AHI1: variants seen among roughly 807,000 people sequenced by gnomAD.
The protein encoded by AHI1 is Abelson helper integration site 1.
Under a neutral mutation model 149.3 loss-of-function variants are expected in AHI1, and 123 were observed. The observed-to-expected ratio is 0.82, with a 90% confidence interval of 0.71 to 0.96. The LOEUF (loss-of-function observed/expected upper bound fraction) is 0.96. AHI1 is among the 40% of genes least tolerant of loss of function. AHI1 has a pLI of 0.00. For missense variants in AHI1, 1,439 were observed against 1,422.7 expected (o/e 1.01, Z -0.18); for synonymous variants, 475 against 459.8 (o/e 1.03, Z -0.42).
At chr6:135,449,260 G>A (rs566313718) in intron 11 of AHI1, among the ~76,000 whole-genome samples, 38 of 152,262 alleles carry the variant, frequency 2.5e-4, no homozygotes, top group African/African-American at 9.1e-4. Flanking sequence ...ATGTTGGTCA[G>A]GCTGGTCTTG....
chr6:135,312,979 G>A (rs1046715262), intron 26 of AHI1, among the ~76,000 whole-genome samples: 10 of 152,182 alleles, frequency 6.6e-5, no homozygotes, highest in African/African-American at 2.4e-4. Flanking sequence ...GATAGACTCT[G>A]TGGGAGGTTT....
chr6:135,409,845 C>A (rs1343110202), intron 21 of AHI1, among the ~76,000 whole-genome samples: 1 of 152,160 alleles, frequency 6.6e-6, no homozygotes, highest in African/African-American at 2.4e-5. Context: ...GGGACTTTAG[C>A]ACAGGAAGGC....
chr6:135,462,251 CCAAT>C (rs1243414941), intron 8 of AHI1, among the ~76,000 whole-genome samples: 1 of 151,496 alleles, frequency 6.6e-6, no homozygotes, highest in African/African-American at 2.4e-5. Context: ...CAATTTTTGG[CCAAT>C]CAAATGGAAA....
chr6:135,326,024 G>T lies in AHI1; in HGVS notation c.3166-2700C>A, dbSNP rs187786404. Among the ~76,000 whole-genome samples, 5 of 152,280 alleles carry T rather than the reference G, an allele frequency of 3.3e-5. No homozygotes were observed. The East Asian group carries it at 9.6e-4, about 29-fold the overall frequency. ...ACAGGGGTCCAAAAAGCCTATGAGAGCCCACATTACACCTTTTCTATTACA... is the reference window on the plus strand; with the variant it reads ...ACAGGGGTCCAAAAAGCCTATGAGATCCCACATTACACCTTTTCTATTACA... On this transcript the variant is annotated intron_variant, in intron 24 of 28. Coordinates refer to ENST00000265602, the MANE Select transcript of AHI1 (RefSeq NM_001134831.2).
At chr6:135,446,651 T>G (rs1187949274) in intron 13 of AHI1, among the ~76,000 whole-genome samples, 2 of 152,136 alleles carry the variant, frequency 1.3e-5, no homozygotes, top group Non-Finnish European at 2.9e-5. Flanking sequence ...AGTCAAAAAG[T>G]GGACCCTCAC....
intron 10 of AHI1, 52 bp downstream of exon 10, chr6:135,455,682 G>A (rs1272749669): frequency 1.0e-5 from 13 of 1,291,386 alleles, no homozygotes; most frequent in Non-Finnish European, 1.3e-5. Context: ...TTACATTTGT[G>A]CTATTAAATA....
intron 23 of AHI1, among the ~76,000 whole-genome samples, chr6:135,393,779 T>G (rs937410902): frequency 2.6e-5 from 4 of 152,118 alleles, no homozygotes; most frequent in African/African-American, 7.2e-5. Flanking sequence ...TATAGTGTTT[T>G]CATATGTGCA....
intron 23 of AHI1, among the ~76,000 whole-genome samples, chr6:135,388,899 C>T (rs1778009151): frequency 6.6e-6 from 1 of 151,962 alleles, no homozygotes; most frequent in South Asian, 2.1e-4. Context: ...GCAATCCCAG[C>T]TACTCAGGAG....
rs576652525 is a variant in AHI1 at position 135,369,311 on chromosome 6, C to G, written c.3110-11124G>C. ...CAGCAAGCTGCCCCCTCTAACAGGTCTGTGGATTCTCTTGGCTTTTCTGGT... is the reference window on the plus strand; with the variant it reads ...CAGCAAGCTGCCCCCTCTAACAGGTGTGTGGATTCTCTTGGCTTTTCTGGT... On this transcript the variant is annotated intron_variant, in intron 23 of 28. Coordinates refer to ENST00000265602, the MANE Select transcript of AHI1 (RefSeq NM_001134831.2). Among the ~76,000 whole-genome samples the G allele has an allele frequency of 3.5e-4, 54 of 152,314 alleles. No homozygotes were observed. The South Asian group carries it at 8.3e-3, about 23-fold the overall frequency.
chr6:135,430,332 G>A (rs563221086), intron 17 of AHI1, among the ~76,000 whole-genome samples: 27 of 151,984 alleles, frequency 1.8e-4, no homozygotes, highest in South Asian at 1.7e-3. Flanking sequence ...TTAAAATCAT[G>A]TAAGAAGCTT....
At chr6:135,484,535 T>C (rs1417653378) in intron 5 of AHI1, among the ~76,000 whole-genome samples, 2 of 152,142 alleles carry the variant, frequency 1.3e-5, no homozygotes, top group African/African-American at 4.8e-5. Context: ...TGACATCAAT[T>C]TATGCAACTT....
chr6:135,436,803 T>C (rs779650818), intron 15 of AHI1, among the ~76,000 whole-genome samples: 14 of 152,310 alleles, frequency 9.2e-5, no homozygotes, highest in Non-Finnish European at 1.9e-4. Context: ...GGTTTCGCCA[T>C]GTTGGCCAGG....
In AHI1 at chr6:135,492,257, G is replaced by A; in HGVS notation, c.-20C>T. 1.3e-6 allele frequency: 2 copies of A among 1,536,884 alleles called. No homozygotes were observed. Among genetic ancestry groups the A allele is most frequent in the Non-Finnish European group, 1.8e-6 (2 of 1,139,146 alleles). ...AGGCATCTCTCAGCTTTATGCAGAG[G>A]ACTGAGAATGCAAAGCATTGACTCA... On this transcript the variant is annotated 5_prime_UTR_variant, in exon 4 of 29. Transcript: ENST00000265602.
intron 23 of AHI1, among the ~76,000 whole-genome samples, chr6:135,378,428 G>A (rs1233275968): frequency 2.6e-5 from 4 of 152,100 alleles, no homozygotes; most frequent in Non-Finnish European, 4.4e-5. Flanking sequence ...ACAATTTTTA[G>A]TATTTGATAA....
intron 26 of AHI1, among the ~76,000 whole-genome samples, chr6:135,310,006 T>G (rs188301716): frequency 9.9e-4 from 151 of 152,166 alleles, no homozygotes; most frequent in Non-Finnish European, 1.6e-3. Flanking sequence ...AGTAAAAAAA[T>G]ACAAATTGAT....
intron 23 of AHI1, among the ~76,000 whole-genome samples, chr6:135,372,794 A>G (rs1775264215): frequency 6.6e-6 from 1 of 152,244 alleles, no homozygotes; most frequent in Admixed American, 6.5e-5. Context: ...CTAAGGTCAT[A>G]TAACTAAAAG....
intron 22 of AHI1, among the ~76,000 whole-genome samples, chr6:135,403,677 A>C (rs1330833017): frequency 6.6e-6 from 1 of 152,232 alleles, no homozygotes; most frequent in African/African-American, 2.4e-5. Flanking sequence ...TTTTATACAC[A>C]ATGAGTACTT....
intron 24 of AHI1, among the ~76,000 whole-genome samples, chr6:135,354,833 T>C (rs928124873): frequency 2.0e-5 from 3 of 152,112 alleles, no homozygotes; most frequent in Non-Finnish European, 4.4e-5. Flanking sequence ...GGACAAAAAT[T>C]AGTGAAAAGA....
At chr6:135,297,383 A>G (rs759897541) in intron 27 of AHI1, 329 of 455,424 alleles carry the variant, frequency 7.2e-4, no homozygotes, top group Non-Finnish European at 1.2e-3. Flanking sequence ...TCTTTCCCAC[A>G]TCACATCCAA....
Sources: allele counts gnomAD v4.1 joint callset (sites outside exome capture counted in the v4.1 genomes callset), GRCh38; gene constraint gnomAD v4.1.1; transcripts MANE v1.5; gene names NCBI Gene and HGNC (gene_info 2026-07-23, HGNC 2026-07-21).